Variants in PREP observed in about 807,000 individuals in gnomAD.
PREP encodes the protein prolyl endopeptidase, also known as dJ355L5.1 (prolyl endopeptidase).
In PREP, 29 loss-of-function variants were observed where a neutral mutation model predicts 87.6. The observed-to-expected ratio is 0.33, with a 90% CI of 0.25 to 0.45. The LOEUF is 0.45. Ranked by LOEUF, PREP falls within the 20% of genes least tolerant of loss-of-function variation. PREP has a pLI of 1.00. For missense variants in PREP, 695 were observed against 886.5 expected, an observed-to-expected ratio of 0.78 and a Z score of 2.74; for synonymous variants, 337 against 328.6, an observed-to-expected ratio of 1.03 and a Z score of -0.28.
chr6:105,295,663 A>G (rs1770394729), intron 10 of PREP, among the ~76,000 whole-genome samples: 2 of 151,842 alleles, frequency 1.3e-5, no homozygotes, highest in African/African-American at 4.8e-5. Context: ...CAACATTTTC[A>G]TGATTGCATA....
intron 7 of PREP, among the ~76,000 whole-genome samples, chr6:105,350,118 T>C (rs904704315): frequency 2.6e-5 from 4 of 152,126 alleles, no homozygotes; most frequent in Admixed American, 1.3e-4. Flanking sequence ...ATAGACTTTT[T>C]TTTGTTTTGT....
chr6:105,287,664 A>G (rs1770215677), intron 11 of PREP, among the ~76,000 whole-genome samples: 1 of 152,212 alleles, frequency 6.6e-6, no homozygotes, highest in African/African-American at 2.4e-5. Flanking sequence ...TTCTGAATTT[A>G]TGTCCTGGTA....
At chr6:105,321,733 C>T (rs2114644197) in intron 10 of PREP, among the ~76,000 whole-genome samples, 1 of 152,268 alleles carries the variant, frequency 6.6e-6, no homozygotes, top group South Asian at 2.1e-4. Flanking sequence ...AGGGGTCCTT[C>T]CCTTTCCCAG....
chr6:105,373,803 T>C (rs2114709431), intron 4 of PREP, among the ~76,000 whole-genome samples: 1 of 152,262 alleles, frequency 6.6e-6, no homozygotes, highest in East Asian at 1.9e-4. Context: ...TTAATTTGTC[T>C]ATAAAATGAA....
intron 2 of PREP, among the ~76,000 whole-genome samples, chr6:105,389,044 C>T (rs915122216): frequency 6.6e-6 from 1 of 152,134 alleles, no homozygotes; most frequent in African/African-American, 2.4e-5. Flanking sequence ...AAAGGAAAAT[C>T]GACTTAGTTT....
At chr6:105,381,903 G>C (rs1772849551) in intron 2 of PREP, among the ~76,000 whole-genome samples, 1 of 152,114 alleles carries the variant, frequency 6.6e-6, no homozygotes, top group Non-Finnish European at 1.5e-5. Context: ...ATTTAAAAAA[G>C]AAAAAGAAAA....
intron 2 of PREP, among the ~76,000 whole-genome samples, chr6:105,396,211 A>C (rs934742280): frequency 1.3e-5 from 2 of 151,354 alleles, no homozygotes. Flanking sequence ...TCTTGAAGGG[A>C]GTTAGAGAAA....
At position 105,273,921 on chromosome 6, in the gene PREP, G is replaced by A. The variant is rs551461831; in HGVS notation, c.*4223C>T. On this transcript the variant is annotated 3_prime_UTR_variant, in exon 15 of 15. Transcript: ENST00000652536. ...CATTGTTTGTCCCCTCATTCCGTTC[G>A]GGTCTTTGTCCGAATGTTGCTTCCT... 2.0e-4 allele frequency among the ~76,000 whole-genome samples: 31 copies of A among 152,222 alleles called. No homozygotes were observed. The highest frequency in any genetic ancestry group is 4.1e-4 in the African/African-American group (17 of 41,538).
chr6:105,383,575 G>A (rs1347560431), intron 2 of PREP, among the ~76,000 whole-genome samples: 1 of 152,094 alleles, frequency 6.6e-6, no homozygotes, highest in African/African-American at 2.4e-5. Context: ...TCTGCTCTTG[G>A]GTGAAAAGGG....
chr6:105,322,216 C>A (rs1409564667), intron 10 of PREP: 17 of 835,208 alleles, frequency 2.0e-5, no homozygotes, highest in Non-Finnish European at 2.4e-5. Context: ...TCCCTCCAGG[C>A]AATGGCTCAC....
chr6:105,351,587 T>G (rs933726330), intron 7 of PREP, among the ~76,000 whole-genome samples: 1 of 152,226 alleles, frequency 6.6e-6, no homozygotes, highest in Admixed American at 6.5e-5. Flanking sequence ...TTACGCCTTA[T>G]TAAAGCAGAT....
intron 7 of PREP, among the ~76,000 whole-genome samples, chr6:105,352,142 A>T (rs573401500): frequency 9.9e-4 from 150 of 152,258 alleles, no homozygotes; most frequent in African/African-American, 3.4e-3. Context: ...ACCCTCTCTA[A>T]AATATTATTT....
intron 11 of PREP, among the ~76,000 whole-genome samples, chr6:105,285,853 G>A (rs1770180361): frequency 6.6e-6 from 1 of 152,184 alleles, no homozygotes; most frequent in African/African-American, 2.4e-5. Context: ...ATGGCTCACT[G>A]CAACCTCCAC....
Position 105,402,840 on chromosome 6 carries a change from T to A in PREP, c.45+7A>T. On this transcript the variant is annotated splice_region_variant and intron_variant, in intron 1 of 14. Coordinates refer to ENST00000652536, the MANE Select transcript of PREP (RefSeq NM_002726.5). ...GGAGCCCTCTGGGCGGAGGCAGAGA[T>A]ACTTACGGCGGTCTCGTCGCGGTAC... The A allele has an allele frequency of 6.5e-7, 1 of 1,542,826 alleles. No homozygotes were observed. Among genetic ancestry groups the A allele is most frequent in the African/African-American group, 1.4e-5 (1 of 73,384 alleles).
In PREP at chr6:105,323,773, A is replaced by G. The variant is rs748286314; in HGVS notation, c.1214-5T>C. 2 of 1,605,068 alleles carry G rather than the reference A, an allele frequency of 1.2e-6. No homozygotes were observed. Among genetic ancestry groups the G allele is most frequent in the Non-Finnish European group, 1.7e-6 (2 of 1,171,880 alleles). On this transcript the variant is annotated splice_region_variant and splice_polypyrimidine_tract_variant and intron_variant, in intron 9 of 14. Transcript: ENST00000652536. ...GATCACAGTGATAAATGATACCTAA[A>G]AAGTAGAATAAGGCTTGGTTTAGTC...
intron 10 of PREP, among the ~76,000 whole-genome samples, chr6:105,309,709 C>A (rs983361909): frequency 6.6e-6 from 1 of 152,100 alleles, no homozygotes; most frequent in South Asian, 2.1e-4. Flanking sequence ...TGCACTGACG[C>A]CCCCAGACAC....
At chr6:105,317,168 G>A (rs1215060880) in intron 10 of PREP, among the ~76,000 whole-genome samples, 1 of 151,708 alleles carries the variant, frequency 6.6e-6, no homozygotes, top group Non-Finnish European at 1.5e-5. Flanking sequence ...ATGTTACCCA[G>A]GCTGGTCTTG....
intron 9 of PREP, among the ~76,000 whole-genome samples, chr6:105,327,679 C>CT (rs1007798893): frequency 1.3e-5 from 2 of 152,042 alleles, no homozygotes; most frequent in Admixed American, 6.5e-5. Context: ...CCTAAGACTG[C>CT]TTTTTTTGTC....
intron 10 of PREP, among the ~76,000 whole-genome samples, chr6:105,295,478 A>T (rs1770390107): frequency 6.6e-6 from 1 of 152,048 alleles, no homozygotes; most frequent in Non-Finnish European, 1.5e-5. Flanking sequence ...CTCTTAAGCT[A>T]CATCTCCATC....
Sources: gnomAD v4.1 joint callset for allele counts (sites outside exome capture counted in the v4.1 genomes callset) on GRCh38, gnomAD v4.1.1 for gene constraint, MANE v1.5 for transcripts, NCBI Gene and HGNC (gene_info 2026-07-23, HGNC 2026-07-21) for gene names.